Variants in BRF1 observed in about 807,000 individuals in gnomAD.
BRF1 encodes BRF1 general transcription factor IIIB subunit, also known as transcription factor IIIB 90 kDa subunit.
BRF1 carries 59 observed loss-of-function variants against 81.7 expected under a neutral mutation model. The ratio of observed to expected loss-of-function variants is 0.72; its 90% CI spans 0.59 to 0.90. BRF1 has a LOEUF of 0.90. Among genes scored for constraint, BRF1 ranks in the 40% least tolerant of loss-of-function variants. BRF1 has a pLI of 0.00. For synonymous variants in BRF1, 491 were observed against 395.6 expected (o/e 1.24, Z -2.86); for missense variants, 1,050 against 936.3 (o/e 1.12, Z -1.58).
In BRF1 at chr14:105,256,389, T is replaced by C. The variant is rs1008628; in HGVS notation, c.471+129A>G. The C allele has an allele frequency of 0.27, 438,939 of 1,602,464 alleles. 61,258 individuals are homozygous for C. Among genetic ancestry groups the C allele is most frequent in the Middle Eastern group, 0.3 (1,787 of 6,050 alleles). On this transcript the variant is annotated intron_variant, in intron 4 of 17. Coordinates refer to ENST00000547530, the MANE Select transcript of BRF1 (RefSeq NM_001519.4). ...ATCCTACAGACCAAAACTTCCTGAC[T>C]GGGCAGGCAGCACAGACCGGCCACT...
At chr14:105,250,146 T>C (rs745743515) in intron 5 of BRF1, 1 of 1,612,956 alleles carries the variant, frequency 6.2e-7, no homozygotes, top group East Asian at 2.2e-5. Flanking sequence ...ACCCACAGCA[T>C]CTTCCTGTGG....
At chr14:105,298,759 G>A (rs889842644) in intron 1 of BRF1, among the ~76,000 whole-genome samples, 1 of 152,096 alleles carries the variant, frequency 6.6e-6, no homozygotes, top group Non-Finnish European at 1.5e-5. Flanking sequence ...GGAGGCTGAG[G>A]CACGAGAATC....
chr14:105,212,067 G>A (rs749022159), intron 16 of BRF1, 46 bp downstream of exon 16: 1 of 1,603,046 alleles, frequency 6.2e-7, no homozygotes, highest in Non-Finnish European at 8.5e-7. Context: ...GAAGAAGTGG[G>A]CTGCCTCCCA....
At chr14:105,222,846 T>A (rs78798804) in intron 10 of BRF1, among the ~76,000 whole-genome samples, 1 of 152,168 alleles carries the variant, frequency 6.6e-6, no homozygotes, top group African/African-American at 2.4e-5. Context: ...GCCAGGATGG[T>A]CTTGATCTCC....
intron 15 of BRF1, chr14:105,212,518 C>T (rs1488615248): frequency 3.6e-6 from 1 of 276,352 alleles, no homozygotes; most frequent in Non-Finnish European, 7.0e-6. Context: ...GGGACACTGT[C>T]AGACCCGAGA....
At chr14:105,287,572 G>A (rs2057362695) in intron 1 of BRF1, among the ~76,000 whole-genome samples, 1 of 152,186 alleles carries the variant, frequency 6.6e-6, no homozygotes, top group South Asian at 2.1e-4. Flanking sequence ...GGAGGACACT[G>A]GAAGGATAGG....
chr14:105,228,934 C>T (rs372157591), intron 6 of BRF1, 21 bp from the exon 7 acceptor site: 16 of 1,610,734 alleles, frequency 9.9e-6, no homozygotes, highest in Non-Finnish European at 1.3e-5. Flanking sequence ...ACGAGACGGG[C>T]CTCGTCAACC....
intron 2 of BRF1, among the ~76,000 whole-genome samples, 188 bp from the exon 3 acceptor site, chr14:105,273,082 T>C (rs2056728381): frequency 6.6e-6 from 1 of 152,248 alleles, no homozygotes; most frequent in Admixed American, 6.5e-5. Flanking sequence ...TTTTCTGTGA[T>C]CTCCATGTGC....
At chr14:105,218,265 C>T (rs1035444742) in intron 14 of BRF1, among the ~76,000 whole-genome samples, 1 of 152,228 alleles carries the variant, frequency 6.6e-6, no homozygotes, top group Admixed American at 6.5e-5. Context: ...CTTCTAGGAG[C>T]TGGAGCCATA....
chr14:105,312,508 C>CT (rs2058374162), intron 1 of BRF1, among the ~76,000 whole-genome samples: 1 of 152,184 alleles, frequency 6.6e-6, no homozygotes, highest in Non-Finnish European at 1.5e-5. Context: ...CAAGTTCCTG[C>CT]TTTAAAGAAA....
rs1346909911 is a variant in BRF1, at chr14:105,269,426, C to T, written c.439+3295G>A. Among the ~76,000 whole-genome samples, 1 of 152,160 alleles carries T rather than the reference C, an allele frequency of 6.6e-6. No individual in the cohort carries two copies. The highest frequency in any genetic ancestry group is 2.4e-5 in the African/African-American group (1 of 41,414). On this transcript the variant is annotated intron_variant, in intron 3 of 17. Transcript: ENST00000547530. The surrounding 1 kb of genome is among the most constrained non-coding windows in gnomAD (Gnocchi z 5.0). The stretch of plus-strand genomic sequence containing the variant: ...TAAGGTACAAGTTTGTGCCACAAAC[C>T]TGCCTGTTCACAGTGCACCGGGCAG...
intron 3 of BRF1, among the ~76,000 whole-genome samples, chr14:105,267,881 G>A (rs987170553): frequency 6.6e-6 from 1 of 151,774 alleles, no homozygotes; most frequent in African/African-American, 2.4e-5. Context: ...TGACCTGAAC[G>A]GACGGTTCTG....
In BRF1 at chr14:105,298,549, A is replaced by C. The variant is rs139217949; in HGVS notation, c.184+1897T>G. Among the ~76,000 whole-genome samples, 502 of 152,334 alleles carry C rather than the reference A, an allele frequency of 3.3e-3. 3 individuals are homozygous for C. The highest frequency in any genetic ancestry group is 0.014 in the East Asian group (75 of 5,182). ...CAGCCTACAAAGCACACCTTATACA[A>C]AACATAGATGGACCACAGATTTAGG... On this transcript the variant is annotated intron_variant, in intron 1 of 17. Transcript: ENST00000547530.
chr14:105,260,499 G>A (rs2056099926), intron 3 of BRF1, among the ~76,000 whole-genome samples: 1 of 151,950 alleles, frequency 6.6e-6, no homozygotes. Flanking sequence ...AGCCTCCCAA[G>A]TAGCTTGGAC....
At chr14:105,253,533 A>C (rs957931165) in intron 4 of BRF1, among the ~76,000 whole-genome samples, 6 of 152,190 alleles carry the variant, frequency 3.9e-5, no homozygotes, top group Non-Finnish European at 7.4e-5. Context: ...CGCCAGTGGC[A>C]CTTCCAGGTG....
intron 15 of BRF1, 78 bp downstream of exon 15, chr14:105,217,466 G>C: frequency 6.4e-7 from 1 of 1,561,606 alleles, no homozygotes; most frequent in South Asian, 1.2e-5. Context: ...GCCCCCGGCA[G>C]CTCCAGGACC....
chr14:105,273,112 T>TG (rs1057462631), intron 2 of BRF1, among the ~76,000 whole-genome samples: 2 of 152,244 alleles, frequency 1.3e-5, no homozygotes, highest in Non-Finnish European at 2.9e-5. Flanking sequence ...CTGTTCTACC[T>TG]GTTTCCCTTC....
intron 1 of BRF1, among the ~76,000 whole-genome samples, chr14:105,300,042 C>A (rs951473181): frequency 3.3e-5 from 5 of 152,244 alleles, no homozygotes; most frequent in African/African-American, 1.2e-4. Flanking sequence ...GCCTGAGTGG[C>A]CCTAGGGCAT....
chr14:105,248,459 C>G (rs1209045056), intron 5 of BRF1: 5 of 984,920 alleles, frequency 5.1e-6, no homozygotes, highest in African/African-American at 1.8e-5. Flanking sequence ...GGCAGAAGCT[C>G]GAGCAGCTTC....
Sources: gnomAD v4.1 joint callset for allele counts (sites outside exome capture counted in the v4.1 genomes callset) on GRCh38, gnomAD v4.1.1 for gene constraint, Gnocchi (gnomAD v3.1) non-coding constraint, MANE v1.5 for transcripts, NCBI Gene and HGNC (gene_info 2026-07-23, HGNC 2026-07-21) for gene names.